Variants in NBEA observed in about 807,000 individuals in gnomAD.
NBEA encodes the protein neurobeachin, also known as lysosomal-trafficking regulator 2.
Under a neutral mutation model 343.4 loss-of-function variants are expected in NBEA, and 44 were observed. The observed-to-expected ratio is 0.13, with a 90% CI of 0.10 to 0.16. The LOEUF (loss-of-function observed/expected upper bound fraction) is 0.16, where lower values mean the gene tolerates loss of function less well. NBEA is among the 10% of genes least tolerant of loss of function. The pLI, the probability that NBEA is intolerant of heterozygous loss-of-function variation, is 1.00. For synonymous variants in NBEA, 1,175 were observed against 1,238.7 expected (o/e 0.95, Z 1.08); for missense variants, 2,555 against 3,631.3 (o/e 0.70, Z 7.62).
At chr13:35,034,663 G>T (rs2062372161) in intron 1 of NBEA, among the ~76,000 whole-genome samples, 1 of 151,588 alleles carries the variant, frequency 6.6e-6, no homozygotes, top group Admixed American at 6.6e-5. Flanking sequence ...CAGCAGTGAA[G>T]TGCTTTTCTT....
At chr13:35,462,118 C>T (rs1041330377) in intron 40 of NBEA, among the ~76,000 whole-genome samples, 7 of 152,154 alleles carry the variant, frequency 4.6e-5, no homozygotes, top group African/African-American at 1.7e-4. Context: ...AAACTTCACT[C>T]GGGTGAATGT....
intron 34 of NBEA, among the ~76,000 whole-genome samples, chr13:35,236,328 AT>A (rs1241385801): frequency 6.6e-6 from 1 of 152,148 alleles, no homozygotes; most frequent in Non-Finnish European, 1.5e-5. Context: ...ATAAAAAAAC[AT>A]TTCTTAAACA....
chr13:35,598,739 T>C (rs1024205617), intron 47 of NBEA, among the ~76,000 whole-genome samples: 2 of 152,198 alleles, frequency 1.3e-5, no homozygotes, highest in South Asian at 4.1e-4. Flanking sequence ...CCTGAAATTT[T>C]AACTTTTATA....
intron 35 of NBEA, among the ~76,000 whole-genome samples, chr13:35,298,804 ATGGTTGACTATTATATCGGTAATCT>A (rs2036335867): frequency 6.6e-6 from 1 of 151,866 alleles, no homozygotes; most frequent in Non-Finnish European, 1.5e-5. Context: ...AATTTTTTTT[ATGGTTGACTATTATATCGGTAATCT>A]TCTCTTTGAA....
chr13:35,333,622 A>T (rs949077989), intron 36 of NBEA, among the ~76,000 whole-genome samples: 19 of 151,992 alleles, frequency 1.3e-4, no homozygotes, highest in African/African-American at 2.4e-5. Flanking sequence ...GCTATTCAAT[A>T]TTAGGCCTTA....
intron 40 of NBEA, among the ~76,000 whole-genome samples, chr13:35,463,598 T>C (rs1208573551): frequency 2.6e-5 from 4 of 152,006 alleles, no homozygotes; most frequent in Non-Finnish European, 4.4e-5. Flanking sequence ...CCAGCCTGGG[T>C]GACACAGTGA....
chr13:35,657,878 C>T (rs17769661), intron 55 of NBEA, among the ~76,000 whole-genome samples: 17,589 of 152,052 alleles, frequency 0.12, 1,149 homozygotes, highest in South Asian at 0.18. Flanking sequence ...AAGCTGCCAT[C>T]TGGTAGCTGA....
chr13:35,197,006 C>T (rs1253559499), intron 31 of NBEA, among the ~76,000 whole-genome samples: 1 of 152,040 alleles, frequency 6.6e-6, no homozygotes, highest in South Asian at 2.1e-4. Context: ...TTCCAGTATA[C>T]ATTCAATAAA....
intron 40 of NBEA, among the ~76,000 whole-genome samples, chr13:35,469,593 T>C (rs2075550765): frequency 6.6e-6 from 1 of 152,248 alleles, no homozygotes; most frequent in South Asian, 2.1e-4. Context: ...GTTTGTCTTA[T>C]CCATTTGTTT....
chr13:35,530,386 G>A (rs1187494494), intron 41 of NBEA, among the ~76,000 whole-genome samples: 1 of 152,158 alleles, frequency 6.6e-6, no homozygotes, highest in Non-Finnish European at 1.5e-5. Flanking sequence ...TGACAGGATG[G>A]GGACAGCCGC....
chr13:35,612,162 T>C (rs1158716323), intron 48 of NBEA, among the ~76,000 whole-genome samples: 1 of 151,768 alleles, frequency 6.6e-6, no homozygotes, highest in Non-Finnish European at 1.5e-5. Context: ...AGACAGAGTC[T>C]CGCTCTGTCG....
chr13:35,124,292 C>T (rs1267271256), intron 17 of NBEA, among the ~76,000 whole-genome samples: 5 of 148,782 alleles, frequency 3.4e-5, no homozygotes, highest in African/African-American at 4.9e-5. Context: ...ATTTGCAAAG[C>T]GCTTATTTGT....
intron 41 of NBEA, chr13:35,476,296 C>CCTGCCG (rs1173258839): frequency 3.1e-6 from 3 of 961,206 alleles, no homozygotes; most frequent in Non-Finnish European, 4.9e-6. Context: ...CGTTGGTTTC[C>CCTGCCG]CTGCTGCTGC....
In NBEA at chr13:35,125,824, G is replaced by GCATACATA. The variant is rs148274320; in HGVS notation, c.2336+2279_2336+2286dup. 2.0e-3 allele frequency among the ~76,000 whole-genome samples: 309 copies of GCATACATA among 151,386 alleles called. 1 individual carries two copies. Among genetic ancestry groups the GCATACATA allele is most frequent in the African/African-American group, 5.3e-3 (218 of 41,240 alleles). ...TTTCATAAGTTAAAAATAAACAAAT[G>GCATACATA]CATACATACATACATACATACATAC... On this transcript the variant is annotated intron_variant, in intron 17 of 58. Transcript: ENST00000379939.
At chr13:35,073,287 T>A (rs2063957726) in intron 10 of NBEA, among the ~76,000 whole-genome samples, 2 of 152,216 alleles carry the variant, frequency 1.3e-5, no homozygotes, top group African/African-American at 4.8e-5. Context: ...TCTTATTTAG[T>A]TGATAATAAA....
intron 1 of NBEA, among the ~76,000 whole-genome samples, chr13:34,965,874 G>A (rs937169888): frequency 6.6e-6 from 1 of 152,000 alleles, no homozygotes; most frequent in Non-Finnish European, 1.5e-5. Context: ...GTTGTTGTTT[G>A]TTTGTACCGA....
At chr13:35,656,917 T>C (rs1289096188) in intron 55 of NBEA, among the ~76,000 whole-genome samples, 1 of 152,188 alleles carries the variant, frequency 6.6e-6, no homozygotes, top group East Asian at 1.9e-4. Flanking sequence ...ATAAGAAATC[T>C]ACAAGATGCC....
chr13:35,275,089 C>A (rs528206611), intron 34 of NBEA, among the ~76,000 whole-genome samples: 1 of 152,150 alleles, frequency 6.6e-6, no homozygotes, highest in Non-Finnish European at 1.5e-5. Flanking sequence ...AGGCATCATG[C>A]TACCTGACTT....
chr13:35,550,434 A>T (rs2079262142), intron 41 of NBEA, 43 bp from the exon 42 acceptor site: 4 of 1,148,176 alleles, frequency 3.5e-6, no homozygotes, highest in Non-Finnish European at 5.2e-6. Context: ...TCTTAAATCC[A>T]TATTTTATTG....
Sources: allele counts gnomAD v4.1 joint callset (sites outside exome capture counted in the v4.1 genomes callset), GRCh38; gene constraint gnomAD v4.1.1; transcripts MANE v1.5; gene names NCBI Gene and HGNC (gene_info 2026-07-23, HGNC 2026-07-21).